IQSEC3: variants seen among roughly 807,000 people sequenced by gnomAD.
IQSEC3 encodes the protein IQ motif and Sec7 domain ArfGEF 3.
In IQSEC3, 50 loss-of-function variants were observed where a neutral mutation model predicts 105.4. That is an observed-to-expected ratio of 0.47 (90% confidence interval 0.38 to 0.60). The LOEUF is 0.60. Ranked by LOEUF, IQSEC3 falls within the 20% of genes least tolerant of loss-of-function variation. The pLI, the probability that IQSEC3 is intolerant of heterozygous loss-of-function variation, is 0.00. For synonymous variants in IQSEC3, 708 were observed against 746.0 expected (o/e 0.95, Z 0.83); for missense variants, 1,415 against 1,630.0 (o/e 0.87, Z 2.27).
rs115919902 is a variant in IQSEC3, at chr12:177,805, C to A, written c.*2772C>A. 1 of 152,386 alleles carries A rather than the reference C, an allele frequency of 6.6e-6. No homozygotes were observed. The highest frequency in any genetic ancestry group is 1.5e-5 in the Non-Finnish European group (1 of 68,232). The allele number at this position is 152,386 out of a possible 1,614,324, so 9.4% of individuals were successfully genotyped here. On this transcript the variant is annotated 3_prime_UTR_variant, in exon 14 of 14. Coordinates refer to ENST00000538872, the MANE Select transcript of IQSEC3 (RefSeq NM_001170738.2). The surrounding 1 kb of genome is among the most constrained non-coding windows in gnomAD (Gnocchi z 5.3). ...GGAAAAGCCTCCTGCTCCCTCCCCA[C>A]GGCAGCAGACAGGGCAGGGCCTCCA...
intron 12 of IQSEC3, 26 bp from the exon 13 acceptor site, chr12:171,086 G>A (rs1428376025): frequency 6.2e-7 from 1 of 1,612,998 alleles, no homozygotes; most frequent in Non-Finnish European, 8.5e-7. Context: ...GGTGGAGAAT[G>A]AGCCCTGTGC....
intron 13 of IQSEC3, among the ~76,000 whole-genome samples, chr12:173,013 C>T (rs1368216252): frequency 6.6e-6 from 1 of 152,140 alleles, no homozygotes; most frequent in Non-Finnish European, 1.5e-5. Flanking sequence ...GAGGCCGCTG[C>T]GAAGTCCAGG....
intron 2 of IQSEC3, 102 bp from the exon 3 acceptor site, chr12:125,531 G>A: frequency 8.1e-7 from 1 of 1,230,014 alleles, no homozygotes; most frequent in Non-Finnish European, 1.1e-6. Context: ...CTTGCCACAG[G>A]AAAGGCAGGC....
intron 1 of IQSEC3, among the ~76,000 whole-genome samples, chr12:76,968 A>C (rs1466952214): frequency 6.6e-6 from 1 of 152,242 alleles, no homozygotes; most frequent in African/African-American, 2.4e-5. Context: ...GGAGTTCCAC[A>C]ATTTCTTCCT....
chr12:75,498 A>G (rs1591626274), intron 1 of IQSEC3, among the ~76,000 whole-genome samples: 1 of 152,266 alleles, frequency 6.6e-6, no homozygotes, highest in African/African-American at 2.4e-5. Flanking sequence ...GAAGTTAAAG[A>G]GCATCATGAT....
At chr12:92,093 T>A (rs1436392662) in intron 1 of IQSEC3, among the ~76,000 whole-genome samples, 2 of 152,072 alleles carry the variant, frequency 1.3e-5, no homozygotes, top group African/African-American at 4.8e-5. Context: ...TTTTACCACA[T>A]CCATCCAACA....
Position 178,304 on chromosome 12 carries a change from C to G in IQSEC3, c.*3271C>G, listed in dbSNP as rs1939299580. On this transcript the variant is annotated 3_prime_UTR_variant, in exon 14 of 14. Coordinates refer to ENST00000538872, the MANE Select transcript of IQSEC3 (RefSeq NM_001170738.2). ...ACCCTCTCCCCGCACACCCGTCACCCATGAGAGAGAGAAACCTCTCTAGGG... is the reference window on the plus strand; with the variant it reads ...ACCCTCTCCCCGCACACCCGTCACCGATGAGAGAGAGAAACCTCTCTAGGG... 7.2e-6 allele frequency: 1 copy of G among 138,268 alleles called. No homozygotes were observed. The highest frequency in any genetic ancestry group is 1.7e-5 in the Non-Finnish European group (1 of 60,350). 8.6% of individuals were successfully genotyped at this position (138,268 alleles called of 1,614,324 possible).
chr12:128,343 G>A (rs1352091456), intron 3 of IQSEC3, among the ~76,000 whole-genome samples: 1 of 152,152 alleles, frequency 6.6e-6, no homozygotes, highest in Non-Finnish European at 1.5e-5. Flanking sequence ...AGAAGCTGCT[G>A]GAAGGATAAG....
intron 2 of IQSEC3, among the ~76,000 whole-genome samples, chr12:112,443 C>T (rs1864921968): frequency 6.6e-6 from 1 of 152,128 alleles, no homozygotes. Flanking sequence ...CCACTGTATA[C>T]ATTATTTCCT....
chr12:155,143 G>A (rs1375714516), intron 5 of IQSEC3, among the ~76,000 whole-genome samples: 1 of 152,228 alleles, frequency 6.6e-6, no homozygotes, highest in Admixed American at 6.5e-5. Flanking sequence ...ACTCACGTAG[G>A]GCTGCAAAGG....
At chr12:146,363 C>T (rs1309526440) in intron 5 of IQSEC3, among the ~76,000 whole-genome samples, 2 of 152,192 alleles carry the variant, frequency 1.3e-5, no homozygotes, top group Admixed American at 6.5e-5. Context: ...CACCTGTGGT[C>T]GCAGCACTTT....
chr12:95,629 G>A (rs530888061), intron 1 of IQSEC3, among the ~76,000 whole-genome samples: 11 of 152,164 alleles, frequency 7.2e-5, no homozygotes, highest in African/African-American at 2.6e-4. Context: ...TAATACTTGG[G>A]TTTGCATTCA....
Position 167,896 on chromosome 12 carries a change from A to C in IQSEC3, c.2972-1117A>C, listed in dbSNP as rs146632179. Among the ~76,000 whole-genome samples the C allele has an allele frequency of 1.1e-4, 17 of 152,294 alleles. No individual in the cohort carries two copies. In the East Asian group the frequency reaches 3.1e-3, roughly 28 times the overall value. ...TGCATCCAATGGCCCAGGACTCCTC[A>C]CTTGTAATTATCAGGCTAATTTCTC... is the stretch of plus-strand genomic sequence containing the variant. On this transcript the variant is annotated intron_variant, in intron 11 of 13. Coordinates refer to ENST00000538872, the MANE Select transcript of IQSEC3 (RefSeq NM_001170738.2).
At chr12:121,125 G>A (rs868969558) in intron 2 of IQSEC3, among the ~76,000 whole-genome samples, 1 of 152,150 alleles carries the variant, frequency 6.6e-6, no homozygotes. Context: ...CCTGTCGAAG[G>A]GCCAGGCTGC....
chr12:68,915 A>G (rs2136851360), intron 1 of IQSEC3, among the ~76,000 whole-genome samples: 1 of 152,320 alleles, frequency 6.6e-6, no homozygotes, highest in East Asian at 1.9e-4. Context: ...AAGTCCCAAG[A>G]AGATACAGTT....
chr12:163,378 A>C, intron 8 of IQSEC3, 116 bp from the exon 9 acceptor site: 8 of 727,194 alleles, frequency 1.1e-5, no homozygotes, highest in South Asian at 2.8e-5. Flanking sequence ...TCCTCCCTCC[A>C]CAGAACCGGG....
chr12:74,322 CT>C (rs1286822354), intron 1 of IQSEC3, among the ~76,000 whole-genome samples: 20 of 152,356 alleles, frequency 1.3e-4, no homozygotes, highest in African/African-American at 4.8e-4. Flanking sequence ...GGGTTTTCTT[CT>C]CTTAAAGACT....
chr12:111,545 G>A (rs1460261497), intron 2 of IQSEC3: 1 of 152,034 alleles, frequency 6.6e-6, no homozygotes, highest in Non-Finnish European at 1.5e-5. Flanking sequence ...TCCCTTACTG[G>A]AGGTTTCTTA....
At chr12:79,960 T>C (rs1409574628) in intron 1 of IQSEC3, among the ~76,000 whole-genome samples, 2 of 152,264 alleles carry the variant, frequency 1.3e-5, no homozygotes, top group East Asian at 3.8e-4. Flanking sequence ...CCTAATAATG[T>C]ATCTTAGTGA....
Sources: allele counts gnomAD v4.1 joint callset (sites outside exome capture counted in the v4.1 genomes callset), GRCh38; gene constraint gnomAD v4.1.1; non-coding constraint Gnocchi (gnomAD v3.1); transcripts MANE v1.5; gene names NCBI Gene and HGNC (gene_info 2026-07-23, HGNC 2026-07-21).